The following PPFIA2 variants were observed in gnomAD, a reference collection of about 807,000 sequenced individuals.
PPFIA2 encodes the protein PPFI scaffold protein A2.
Under a neutral mutation model 175.5 loss-of-function variants are expected in PPFIA2, and 46 were observed. That is an observed-to-expected ratio of 0.26 (90% CI 0.21 to 0.34). The LOEUF is 0.34. PPFIA2 is among the 10% of genes least tolerant of loss of function. The pLI is 1.00. For missense variants in PPFIA2, 1,179 were observed against 1,506.1 expected, an observed-to-expected ratio of 0.78 and a Z score of 3.60; for synonymous variants, 568 against 511.4, an observed-to-expected ratio of 1.11 and a Z score of -1.49.
chr12:81,661,918 T>C (rs1397470030), intron 4 of PPFIA2, among the ~76,000 whole-genome samples: 1 of 152,068 alleles, frequency 6.6e-6, no homozygotes, highest in African/African-American at 2.4e-5. Flanking sequence ...CTCAACTACA[T>C]GGAAACTGAA....
chr12:81,399,550 C>T (rs890628548), intron 8 of PPFIA2, among the ~76,000 whole-genome samples: 10 of 152,072 alleles, frequency 6.6e-5, no homozygotes, highest in African/African-American at 2.2e-4. Flanking sequence ...TGTGCTTCCT[C>T]GCCAACTCAG....
chr12:81,435,876 T>A (rs2048894769), intron 7 of PPFIA2, among the ~76,000 whole-genome samples: 3 of 152,064 alleles, frequency 2.0e-5, no homozygotes, highest in Admixed American at 2.0e-4. Flanking sequence ...ACCAAGCAGA[T>A]TATCATAATA....
rs139033225 is a variant in PPFIA2, at chr12:81,299,121, G to A, written c.2724+180C>T. 7.2e-5 allele frequency among the ~76,000 whole-genome samples: 11 copies of A among 152,192 alleles called. No homozygotes were observed. In the East Asian group the frequency reaches 1.3e-3, roughly 19 times the overall value. ...CCCACTGCATGATTTCTTCTACTACGATCACAAAAAAGTGTCAGCATAAAA... is the reference window on the plus strand; with the variant it reads ...CCCACTGCATGATTTCTTCTACTACAATCACAAAAAAGTGTCAGCATAAAA... On this transcript the variant is annotated intron_variant, in intron 23 of 32. Transcript: ENST00000549396.
At chr12:81,676,658 T>C (rs1229095474) in intron 4 of PPFIA2, 133 bp downstream of exon 4, 3 of 522,170 alleles carry the variant, frequency 5.7e-6, no homozygotes, top group Non-Finnish European at 9.2e-6. Context: ...ACTTCTGTTA[T>C]TAGTTTCTAT....
intron 4 of PPFIA2, among the ~76,000 whole-genome samples, chr12:81,510,854 T>C (rs189684299): frequency 2.0e-5 from 3 of 152,250 alleles, no homozygotes; most frequent in African/African-American, 7.2e-5. Context: ...AGGCCATGTC[T>C]GAAATCATGT....
At chr12:81,748,806 A>G (rs2464761) in intron 3 of PPFIA2, among the ~76,000 whole-genome samples, 117,033 of 143,128 alleles carry the variant, frequency 0.82, 51,000 homozygotes, top group Middle Eastern at 0.95. Context: ...CAAGATTGTA[A>G]AATAATTTTT....
At chr12:81,587,043 G>A (rs996414992) in intron 4 of PPFIA2, among the ~76,000 whole-genome samples, 2 of 151,942 alleles carry the variant, frequency 1.3e-5, no homozygotes, top group South Asian at 2.1e-4. Context: ...GTTTAGGAAA[G>A]TAAAAATAGA....
chr12:81,758,284 G>A, intron 2 of PPFIA2, 116 bp downstream of exon 2: 1 of 427,822 alleles, frequency 2.3e-6, no homozygotes, highest in Non-Finnish European at 4.8e-6. Flanking sequence ...GGCACCTAAC[G>A]GTAATCAACA....
intron 3 of PPFIA2, among the ~76,000 whole-genome samples, chr12:81,745,190 T>C (rs2082880592): frequency 1.3e-5 from 2 of 152,218 alleles, no homozygotes; most frequent in Non-Finnish European, 2.9e-5. Context: ...AATGATTTTA[T>C]AGTTTTGGTT....
intron 4 of PPFIA2, among the ~76,000 whole-genome samples, chr12:81,554,260 T>G (rs767154920): frequency 3.3e-5 from 5 of 152,014 alleles, no homozygotes; most frequent in Non-Finnish European, 7.4e-5. Flanking sequence ...AGAGATATAA[T>G]TTTAGGTACT....
At chr12:81,315,355 T>C (rs2052077211) in intron 22 of PPFIA2, among the ~76,000 whole-genome samples, 1 of 151,826 alleles carries the variant, frequency 6.6e-6, no homozygotes, top group Admixed American at 6.6e-5. Flanking sequence ...GTGGTTGTTA[T>C]ATGTAGATGT....
At chr12:81,570,325 C>T (rs1441276287) in intron 4 of PPFIA2, among the ~76,000 whole-genome samples, 4 of 151,842 alleles carry the variant, frequency 2.6e-5, no homozygotes, top group Non-Finnish European at 5.9e-5. Flanking sequence ...ATTCATTGGC[C>T]CCATTTATTC....
rs1195838277 is a variant in PPFIA2, at chr12:81,462,258, TATATATATATATATATATGTTAGAAAAC to T, written c.304-4420_304-4393del. Among the ~76,000 whole-genome samples the T allele has an allele frequency of 1.7e-4, 16 of 93,620 alleles. No homozygotes were observed. The East Asian group carries it at 2.5e-3, about 14-fold the overall frequency. 61.4% of individuals were successfully genotyped at this position (93,620 alleles called of 152,430 possible). Reference sequence around the variant, plus strand: ...TTGTCTGCCATGCTTTTCTAACATATATATATATATATATATATGTTAGAAAACATATATATATATATATGTTTTCTAA... The same window carrying T: ...TTGTCTGCCATGCTTTTCTAACATATATATATATATATATATGTTTTCTAA... On this transcript the variant is annotated intron_variant, in intron 4 of 32. Transcript: ENST00000549396.
At chr12:81,282,555 T>A (rs1009279549) in intron 26 of PPFIA2, 1 of 152,452 alleles carries the variant, frequency 6.6e-6, no homozygotes, top group Non-Finnish European at 1.5e-5. Context: ...AACATCTCAA[T>A]AAATGCTAGT....
At chr12:81,324,119 A>G (rs1214751607) in intron 22 of PPFIA2, among the ~76,000 whole-genome samples, 1 of 152,030 alleles carries the variant, frequency 6.6e-6, no homozygotes, top group Non-Finnish European at 1.5e-5. Context: ...ATAAAACCCA[A>G]AGTCAAGCAT....
intron 4 of PPFIA2, among the ~76,000 whole-genome samples, chr12:81,536,401 T>C (rs2153317218): frequency 6.6e-6 from 1 of 151,650 alleles, no homozygotes. Flanking sequence ...TTCAATTATA[T>C]TTTCCAAGCC....
chr12:81,377,169 T>C (rs1450662411), intron 9 of PPFIA2, among the ~76,000 whole-genome samples: 1 of 152,146 alleles, frequency 6.6e-6, no homozygotes, highest in Admixed American at 6.6e-5. Flanking sequence ...ATGCTGTGTG[T>C]GTTTATACAT....
rs76011368 is a variant in PPFIA2, at chr12:81,713,927, G to A, written c.250-37083C>T. 7.4e-3 allele frequency among the ~76,000 whole-genome samples: 1,118 copies of A among 151,248 alleles called. 19 individuals carry two copies. The highest frequency in any genetic ancestry group is 0.025 in the African/African-American group (1,045 of 41,514). Reference sequence around the variant, plus strand: ...AATAAATGCTGTTGATGAAAAAGTCGAAGATAGAGGATATCATTTTATGCA... The same window carrying A: ...AATAAATGCTGTTGATGAAAAAGTCAAAGATAGAGGATATCATTTTATGCA... On this transcript the variant is annotated intron_variant, in intron 3 of 32. Coordinates refer to ENST00000549396, the MANE Select transcript of PPFIA2 (RefSeq NM_003625.5).
At chr12:81,283,415 T>G (rs1164299222) in intron 25 of PPFIA2, among the ~76,000 whole-genome samples, 1 of 151,910 alleles carries the variant, frequency 6.6e-6, no homozygotes, top group Non-Finnish European at 1.5e-5. Flanking sequence ...TTATACAAAG[T>G]AAATTAGTGA....
Sources: allele counts gnomAD v4.1 joint callset (sites outside exome capture counted in the v4.1 genomes callset), GRCh38; gene constraint gnomAD v4.1.1; transcripts MANE v1.5; gene names NCBI Gene and HGNC (gene_info 2026-07-23, HGNC 2026-07-21).